The following GLS variants were observed in gnomAD, a reference collection of about 807,000 sequenced individuals.
GLS encodes the protein glutaminase kidney isoform, mitochondrial.
In GLS, 36 loss-of-function variants were observed where a neutral mutation model predicts 86.7. The ratio of observed to expected loss-of-function variants is 0.42; its 90% confidence interval spans 0.32 to 0.55. The LOEUF (loss-of-function observed/expected upper bound fraction) is 0.55, where lower values mean the gene tolerates loss of function less well. Among genes scored for constraint, GLS ranks in the 20% least tolerant of loss-of-function variants. The probability of loss-of-function intolerance (pLI) is 0.17; values close to 1 mark genes in which losing one functional copy is unlikely to be tolerated. For synonymous variants in GLS, 317 were observed against 305.9 expected (o/e 1.04, Z -0.38); for missense variants, 528 against 833.4 (o/e 0.63, Z 4.51).
Position 190,938,609 on chromosome 2 carries a change from T to C in GLS, c.1650+6972T>C, listed in dbSNP as rs1478193680. 1.3e-5 allele frequency among the ~76,000 whole-genome samples: 2 copies of C among 151,770 alleles called. No homozygotes were observed. The highest frequency in any genetic ancestry group is 3.0e-5 in the Non-Finnish European group (2 of 67,692). On this transcript the variant is annotated intron_variant, in intron 14 of 17. Coordinates refer to ENST00000320717, the MANE Select transcript of GLS (RefSeq NM_014905.5). This position sits in a 1 kb window ranked among gnomAD's most constrained non-coding sequence, Gnocchi z 4.1. ...CCCTTTTCCAGGTTTCCTAGCACTT[T>C]GCTTTTTCTATTAGCATATTTAGAT...
rs866868214 is a variant in GLS at position 190,910,719 on chromosome 2, G to A, written c.1038+398G>A. Among the ~76,000 whole-genome samples, 6 of 150,126 alleles carry A rather than the reference G, an allele frequency of 4.0e-5. 1 individual carries two copies. The highest frequency in any genetic ancestry group is 1.2e-4 in the African/African-American group (5 of 40,834). On this transcript the variant is annotated intron_variant, in intron 7 of 17. Coordinates refer to ENST00000320717, the MANE Select transcript of GLS (RefSeq NM_014905.5). ...GCATTTTACTGTATATTTGTTATTA[G>A]TATATGTGGGAACAAATGTTCTGGT...
At chr2:190,911,438 TA>T (rs1689356906) in intron 7 of GLS, among the ~76,000 whole-genome samples, 1 of 152,170 alleles carries the variant, frequency 6.6e-6, no homozygotes, top group South Asian at 2.1e-4. Flanking sequence ...TTAATTCTTA[TA>T]ACTCTAATGA....
intron 12 of GLS, among the ~76,000 whole-genome samples, chr2:190,928,235 A>G (rs1321951940): frequency 1.3e-5 from 2 of 152,076 alleles, no homozygotes; most frequent in African/African-American, 4.8e-5. Context: ...TAAATATTAC[A>G]TATCAAAACT....
Position 190,905,034 on chromosome 2 carries a change from C to T in GLS, c.846C>T (p.Phe282=). The change falls in exon 6 of 18, where the codon TTC becomes TTT. Residue 282 remains phenylalanine, a synonymous_variant. Coordinates refer to ENST00000320717, the MANE Select transcript of GLS (RefSeq NM_014905.5). The surrounding 1 kb of genome is among the most constrained non-coding windows in gnomAD (Gnocchi z 4.6). Reference sequence around the variant, plus strand: ...CTACTGGAGATACCAAAGTTCCCTTCTGTCTTCAGTCCTGTGTAAAACCTT... The same window carrying T: ...CTACTGGAGATACCAAAGTTCCCTTTTGTCTTCAGTCCTGTGTAAAACCTT... The part of the protein sequence containing the change: ...RHSTGDTKVP[F]CLQSCVKPLK... 2 of 1,600,588 alleles carry T rather than the reference C, an allele frequency of 1.2e-6. No homozygotes were observed. Among genetic ancestry groups the T allele is most frequent in the Middle Eastern group, 3.3e-4 (2 of 6,042 alleles).
At chr2:190,885,206 T>G (rs1242054939) in intron 1 of GLS, among the ~76,000 whole-genome samples, 3 of 152,070 alleles carry the variant, frequency 2.0e-5, no homozygotes. Context: ...AATTTTTTTT[T>G]TTTGAGATGG....
Position 190,924,407 on chromosome 2 carries a change from T to C in GLS, c.1198-136T>C, listed in dbSNP as rs1180936423. ...ATTTTGCTTTTTTATTTCATGTTTA[T>C]ACTCTTTTAGAAGTTACATGCTATT... is the stretch of plus-strand genomic sequence containing the variant. On this transcript the variant is annotated intron_variant, in intron 10 of 17. Coordinates refer to ENST00000320717, the MANE Select transcript of GLS (RefSeq NM_014905.5). The surrounding 1 kb of genome is among the most constrained non-coding windows in gnomAD (Gnocchi z 5.2). 1.5e-5 allele frequency: 10 copies of C among 665,112 alleles called. No individual in the cohort carries two copies. In the Admixed American group the frequency reaches 2.7e-4, roughly 18 times the overall value. 41.2% of individuals were successfully genotyped at this position (665,112 alleles called of 1,614,324 possible). A position where few individuals can be genotyped will look rare whatever the true frequency, so the allele number is the denominator to read the frequency against.
rs781118353 is a variant in GLS, at chr2:190,962,123, C to A, written c.1854-707C>A. 9.2e-5 allele frequency among the ~76,000 whole-genome samples: 14 copies of A among 152,232 alleles called. No individual in the cohort carries two copies. The highest frequency in any genetic ancestry group is 1.2e-4 in the Non-Finnish European group (8 of 68,048). ...ACTTCTGGCAAGTGATTAACCACTT[C>A]TGGCAACTCTTCATTTCTTCTTATC... On this transcript the variant is annotated intron_variant, in intron 17 of 17. Transcript: ENST00000320717. This position sits in a 1 kb window ranked among gnomAD's most constrained non-coding sequence, Gnocchi z 4.2.
intron 17 of GLS, among the ~76,000 whole-genome samples, chr2:190,957,476 G>A (rs889892286): frequency 2.0e-5 from 3 of 152,218 alleles, no homozygotes; most frequent in African/African-American, 4.8e-5. Context: ...GGGCATCCTT[G>A]TCTTGTGCCA....
At chr2:190,961,445 C>T (rs1021301386) in intron 17 of GLS, among the ~76,000 whole-genome samples, 3 of 152,170 alleles carry the variant, frequency 2.0e-5, no homozygotes, top group Admixed American at 6.5e-5. Context: ...GGTGCACCCA[C>T]CTTGGCCTCC....
chr2:190,944,808 A>G (rs1690539058), intron 14 of GLS, among the ~76,000 whole-genome samples: 2 of 152,264 alleles, frequency 1.3e-5, no homozygotes, highest in East Asian at 1.9e-4. Flanking sequence ...AAAGTTTTAA[A>G]TGCAAAGAAT....
In GLS at chr2:190,953,481, C is replaced by A; in HGVS notation, c.1651-84C>A. On this transcript the variant is annotated intron_variant, in intron 14 of 17. Transcript: ENST00000320717. The surrounding 1 kb of genome is among the most constrained non-coding windows in gnomAD (Gnocchi z 4.0). The stretch of plus-strand genomic sequence containing the variant: ...TGACTCAGCTGAAGTGTTCAAAGCA[C>A]ATGGAAATCACTTGCCAGTGACAGG... The A allele has an allele frequency of 1.1e-6, 1 of 922,260 alleles. No individual in the cohort carries two copies. The highest frequency in any genetic ancestry group is 1.8e-6 in the Non-Finnish European group (1 of 554,190). 57.1% of individuals were successfully genotyped at this position (922,260 alleles called of 1,614,324 possible).
In GLS at chr2:190,881,387, G is replaced by T. The variant is rs1445804786; in HGVS notation, c.303G>T (p.Ala101=). 6.5e-7 allele frequency: 1 copy of T among 1,541,682 alleles called. No individual in the cohort carries two copies. Among genetic ancestry groups the T allele is most frequent in the Admixed American group, 2.0e-5 (1 of 50,624 alleles). Residue 101 remains alanine (A), a synonymous_variant, in exon 1 of 18, where the codon GCG becomes GCT. Transcript: ENST00000320717. ...GGGTGTCGCCACCCGCTGCCCCGGC[G>T]GCGCCCGGCCCCAAGGACGGCCCCG... ...QPGVSPPAAP[A]APGPKDGPGE...
chr2:190,944,893 C>T (rs1690541151), intron 14 of GLS, among the ~76,000 whole-genome samples: 2 of 151,750 alleles, frequency 1.3e-5, no homozygotes, highest in South Asian at 4.1e-4. Flanking sequence ...TTTTATTTTC[C>T]CTTCATTTAA....
At position 190,953,616 on chromosome 2, in the gene GLS, G is replaced by A; in HGVS notation, c.1702G>A (p.Ala568Thr). Residue 568 changes from alanine to threonine, a missense_variant, in exon 15 of 18, where the codon GCA (alanine) becomes ACA (threonine). Ala to Thr is a moderately conservative substitution (Grantham distance 58, BLOSUM62 0). Coordinates refer to ENST00000320717, the MANE Select transcript of GLS (RefSeq NM_014905.5). This position sits in a 1 kb window ranked among gnomAD's most constrained non-coding sequence, Gnocchi z 4.0. ...TGCTGCATATACTGGAGATGTGTCT[G>A]CACTTCGAAGGTATGTTTACAGGAT... ...LFAAYTGDVS[A>T]LRRFALSAMD... 6.2e-7 allele frequency: 1 copy of A among 1,602,002 alleles called. No individual in the cohort carries two copies. The highest frequency in any genetic ancestry group is 8.6e-7 in the Non-Finnish European group (1 of 1,169,128).
Position 190,924,858 on chromosome 2 carries a change from T to G in GLS, c.1248+265T>G, listed in dbSNP as rs888512509. ...TGAACCTGGAAGGCCGAGGTTGCAG[T>G]GAGCCGAGATCACGCCACTGCATTC... On this transcript the variant is annotated intron_variant, in intron 11 of 17. Coordinates refer to ENST00000320717, the MANE Select transcript of GLS (RefSeq NM_014905.5). This position sits in a 1 kb window ranked among gnomAD's most constrained non-coding sequence, Gnocchi z 5.2. The G allele has an allele frequency of 8.9e-6, 3 of 335,428 alleles. No individual in the cohort carries two copies. The highest frequency in any genetic ancestry group is 4.2e-5 in the African/African-American group (2 of 47,122). The allele number at this position is 335,428 out of a possible 1,614,324, so 20.8% of individuals were successfully genotyped here.
intron 14 of GLS, chr2:190,934,404 A>T (rs1690205979): frequency 2.1e-6 from 2 of 948,710 alleles, no homozygotes; most frequent in Non-Finnish European, 2.5e-6. Context: ...TTATATATTT[A>T]AATAATTATA....
intron 14 of GLS, chr2:190,934,693 C>T (rs1690215837): frequency 4.2e-6 from 4 of 960,790 alleles, no homozygotes; most frequent in East Asian, 1.1e-4. Context: ...GTTTTCATAT[C>T]GTATACATAG....
rs1011760233 is a variant in GLS at position 190,897,369 on chromosome 2, T to C, written c.605+1644T>C. ...TTTAAATATGAAATTAAAAACAATT[T>C]AAATCCTCTGATTATTAAGCCAGGG... On this transcript the variant is annotated intron_variant, in intron 3 of 17. Coordinates refer to ENST00000320717, the MANE Select transcript of GLS (RefSeq NM_014905.5). The surrounding 1 kb of genome is among the most constrained non-coding windows in gnomAD (Gnocchi z 4.3). 2.0e-5 allele frequency among the ~76,000 whole-genome samples: 3 copies of C among 152,236 alleles called. No individual in the cohort carries two copies. The highest frequency in any genetic ancestry group is 7.2e-5 in the African/African-American group (3 of 41,478).
In GLS at chr2:190,964,036, A is replaced by G. The variant is rs1691065256; in HGVS notation, c.*1050A>G. ...AAGCCTGTCATTAAGAGTCTGCATC[A>G]AGAGATTTGTCCTCCTTGGGGGACC... On this transcript the variant is annotated 3_prime_UTR_variant, in exon 18 of 18. Transcript: ENST00000320717. The surrounding 1 kb of genome is among the most constrained non-coding windows in gnomAD (Gnocchi z 5.2). 6.6e-6 allele frequency: 1 copy of G among 152,098 alleles called. No homozygotes were observed. The highest frequency in any genetic ancestry group is 1.5e-5 in the Non-Finnish European group (1 of 68,006). The allele number at this position is 152,098 out of a possible 1,614,324, so 9.4% of individuals were successfully genotyped here. A position where few individuals can be genotyped will look rare whatever the true frequency, so the allele number is the denominator to read the frequency against.
Sources: allele counts gnomAD v4.1 joint callset (sites outside exome capture counted in the v4.1 genomes callset), GRCh38; gene constraint gnomAD v4.1.1; non-coding constraint Gnocchi (gnomAD v3.1); transcripts MANE v1.5; gene names NCBI Gene and HGNC (gene_info 2026-07-23, HGNC 2026-07-21).